TGM7: variants seen among roughly 807,000 people sequenced by gnomAD.
TGM7 encodes the protein transglutaminase 7.
Under a neutral mutation model 79.5 loss-of-function variants are expected in TGM7, and 74 were observed. That is an observed-to-expected ratio of 0.93 (90% CI 0.77 to 1.13). The LOEUF (loss-of-function observed/expected upper bound fraction) is 1.13, where lower values mean the gene tolerates loss of function less well. TGM7 is among the 50% of genes most tolerant of loss of function. TGM7 has a pLI of 0.00. For missense variants in TGM7, 912 were observed against 905.9 expected (o/e 1.01, Z -0.09); for synonymous variants, 354 against 362.5 (o/e 0.98, Z 0.27).
chr15:43,296,728 G>C (rs1305411959), intron 1 of TGM7, among the ~76,000 whole-genome samples: 2 of 152,096 alleles, frequency 1.3e-5, no homozygotes, highest in Non-Finnish European at 2.9e-5. Context: ...CTCTTAGTTT[G>C]GGAAAGAAAG....
At chr15:43,296,827 G>T (rs996221677) in intron 1 of TGM7, among the ~76,000 whole-genome samples, 1 of 152,146 alleles carries the variant, frequency 6.6e-6, no homozygotes, top group Non-Finnish European at 1.5e-5. Context: ...GGACACTCAG[G>T]TTTTCTTTTT....
Position 43,279,278 on chromosome 15 carries a change from C to T in TGM7, c.1679-1G>A, listed in dbSNP as rs1463492284. On this transcript the variant is annotated splice_acceptor_variant, in intron 10 of 12. Coordinates refer to ENST00000452443, the MANE Select transcript of TGM7 (RefSeq NM_052955.3). LOFTEE classifies it high-confidence loss of function. ...GGCAGGAGGAGCGGCCACTGTGTCT[C>T]TAAGCACATACAAAAGACACCTTGA... 1.9e-6 allele frequency: 3 copies of T among 1,613,586 alleles called. No individual in the cohort carries two copies. In the Admixed American group the frequency reaches 5.0e-5, roughly 27 times the overall value.
chr15:43,280,099 A>C (rs529319387), intron 9 of TGM7, 148 bp from the exon 10 acceptor site: 1 of 663,360 alleles, frequency 1.5e-6, no homozygotes, highest in Admixed American at 2.9e-5. Flanking sequence ...TTGCTCTGTC[A>C]CAGTCCTTTA....
chr15:43,302,035 GA>G, intron 1 of TGM7: 1 of 630,610 alleles, frequency 1.6e-6, no homozygotes, highest in Non-Finnish European at 2.8e-6. Flanking sequence ...CACAGCTTCA[GA>G]AAAGAAAACG....
In TGM7 at chr15:43,284,884, T is replaced by G; in HGVS notation, c.934A>C (p.Asn312His). 2 of 1,614,118 alleles carry G rather than the reference T, an allele frequency of 1.2e-6. No individual in the cohort carries two copies. Among genetic ancestry groups the G allele is most frequent in the Non-Finnish European group, 1.7e-6 (2 of 1,180,022 alleles). ...TCATAGTACGTATCGATGGTCAAGT[T>G]CCTATCCACGTTGTGCGCGGAACGG... ...NFRSAHNVDR[N>H]LTIDTYYDRN... The change falls in exon 7 of 13, where the codon AAC becomes CAC. Residue 312 changes from asparagine (N) to histidine (H), a missense_variant. Physicochemically the swap from Asn to His is moderately conservative, Grantham distance 68 (BLOSUM62 1). Transcript: ENST00000452443.
At chr15:43,285,555 C>T (rs1009238624) in intron 6 of TGM7, among the ~76,000 whole-genome samples, 4 of 152,048 alleles carry the variant, frequency 2.6e-5, no homozygotes, top group African/African-American at 9.7e-5. Flanking sequence ...ATTTCATCAC[C>T]CTCCTCCCAC....
chr15:43,298,875 G>A (rs563417072), intron 1 of TGM7, among the ~76,000 whole-genome samples: 7 of 152,068 alleles, frequency 4.6e-5, no homozygotes, highest in African/African-American at 1.7e-4. Context: ...CAAAACTTAA[G>A]CATAAAAATG....
Position 43,279,924 on chromosome 15 carries a change from A to T in TGM7, c.1379T>A (p.Met460Lys). The change falls in exon 10 of 13, where the codon ATG becomes AAG. Residue 460 changes from methionine to lysine, a missense_variant. Transcript: ENST00000452443. Reference sequence around the variant, plus strand: ...GCCCAGCATTTTCCGAGAAGCCTTCATGAAGACAGCTCTCTCCTCAGGGGA... The same window carrying T: ...GCCCAGCATTTTCCGAGAAGCCTTCTTGAAGACAGCTCTCTCCTCAGGGGA... Reference protein sequence around the residue: ...EGSPEERAVFMKASRKMLGPQ... With the variant: ...EGSPEERAVFKKASRKMLGPQ... 1.9e-6 allele frequency: 3 copies of T among 1,614,204 alleles called. No individual in the cohort carries two copies. Among genetic ancestry groups the T allele is most frequent in the Non-Finnish European group, 2.5e-6 (3 of 1,180,014 alleles).
rs377424262 is a variant in TGM7, at chr15:43,282,110, T to C, written c.1109-24A>G. On this transcript the variant is annotated intron_variant, in intron 8 of 12. Transcript: ENST00000452443. Reference sequence around the variant, plus strand: ...CCCTGTGGAGGCAACAGGCTACTGATATGGGGGCCAGGGGCAGCTGGTTGT... The same window carrying C: ...CCCTGTGGAGGCAACAGGCTACTGACATGGGGGCCAGGGGCAGCTGGTTGT... The C allele has an allele frequency of 1.4e-5, 23 of 1,610,244 alleles. No individual in the cohort carries two copies. The African/African-American group carries it at 2.1e-4, about 15-fold the overall frequency.
At position 43,292,092 on chromosome 15, in the gene TGM7, C is replaced by T. The variant is rs778358100; in HGVS notation, c.445G>A (p.Asp149Asn). The T allele has an allele frequency of 9.9e-5, 159 of 1,613,012 alleles. No individual in the cohort carries two copies. In the Admixed American group the frequency reaches 2.4e-3, roughly 24 times the overall value. The change falls in exon 4 of 13, where the codon GAC becomes AAC. Residue 149 changes from aspartate (D) to asparagine (N), a missense_variant. Coordinates refer to ENST00000452443, the MANE Select transcript of TGM7 (RefSeq NM_052955.3). ...LLFNPWSPED[D>N]VYLPSEILLQ... ...AGTATTTCACTTGGCAGGTAGACGT[C>T]GTCCTCTGAGCAGTTAAGAGTAGTG...
intron 9 of TGM7, 75 bp downstream of exon 9, chr15:43,281,769 A>G: frequency 2.0e-5 from 31 of 1,575,678 alleles, no homozygotes; most frequent in Non-Finnish European, 2.2e-5. Context: ...GATGGTTTCA[A>G]CTTGGAGCCA....
At chr15:43,293,979 G>C in intron 1 of TGM7, among the ~76,000 whole-genome samples, 1 of 151,354 alleles carries the variant, frequency 6.6e-6, no homozygotes. Flanking sequence ...TCCATGTCTG[G>C]ACCTGGAGCC....
Position 43,278,107 on chromosome 15 carries a change from G to GA in TGM7, c.1839+1009dup, listed in dbSNP as rs1257594479. On this transcript the variant is annotated intron_variant, in intron 11 of 12. Coordinates refer to ENST00000452443, the MANE Select transcript of TGM7 (RefSeq NM_052955.3). Reference sequence around the variant, plus strand: ...CGACAGCCTGACAGTGTGCCTGGGTGAAAACCCTGGGGTAGGCCAGCTGAT... The same window carrying GA: ...CGACAGCCTGACAGTGTGCCTGGGTGAAAAACCCTGGGGTAGGCCAGCTGAT... Among the ~76,000 whole-genome samples the GA allele has an allele frequency of 2.0e-5, 3 of 152,242 alleles. No homozygotes were observed. The East Asian group carries it at 5.8e-4, about 29-fold the overall frequency.
intron 6 of TGM7, 75 bp from the exon 7 acceptor site, chr15:43,285,027 C>A: frequency 6.3e-7 from 1 of 1,576,406 alleles, no homozygotes; most frequent in East Asian, 2.3e-5. Flanking sequence ...TAATTTGTAA[C>A]TTTCAAGCTG....
At chr15:43,288,004 G>C (rs953006759) in intron 4 of TGM7, among the ~76,000 whole-genome samples, 1 of 152,104 alleles carries the variant, frequency 6.6e-6, no homozygotes, top group African/African-American at 2.4e-5. Flanking sequence ...AGAGGAGAGT[G>C]GGCATATTTA....
intron 1 of TGM7, among the ~76,000 whole-genome samples, chr15:43,295,454 G>A (rs2042987787): frequency 6.6e-6 from 1 of 152,196 alleles, no homozygotes; most frequent in South Asian, 2.1e-4. Flanking sequence ...GCCAGGCCTG[G>A]TGGTGAGTGC....
chr15:43,279,507 ATG>A (rs1055701260), intron 10 of TGM7, 116 bp downstream of exon 10: 43 of 1,330,786 alleles, frequency 3.2e-5, no homozygotes, highest in Non-Finnish European at 4.0e-5. Flanking sequence ...ACTGCCCAGA[ATG>A]TGTGTGTGTT....
At position 43,292,848 on chromosome 15, in the gene TGM7, A is replaced by T. The variant is rs143806974; in HGVS notation, c.300T>A (p.Ser100=). 1.9e-6 allele frequency: 3 copies of T among 1,614,048 alleles called. No homozygotes were observed. Among genetic ancestry groups the T allele is most frequent in the Non-Finnish European group, 1.7e-6 (2 of 1,180,038 alleles). Residue 100 remains serine (S), a synonymous_variant, in exon 3 of 13, where the codon TCT becomes TCA. Transcript: ENST00000452443. ...CTGGTGTGAAAAGGGAAACTTGGAGAGAGTTGGAGTCAATGGTGAAATCAG... is the reference window on the plus strand; with the variant it reads ...CTGGTGTGAAAAGGGAAACTTGGAGTGAGTTGGAGTCAATGGTGAAATCAG... The part of the protein sequence containing the change: ...SASDFTIDSN[S]LQVSLFTPAN...
At chr15:43,301,695 G>A (rs1196775814) in intron 1 of TGM7, among the ~76,000 whole-genome samples, 7 of 151,894 alleles carry the variant, frequency 4.6e-5, no homozygotes, top group South Asian at 2.1e-4. Flanking sequence ...CTGGCAGGCC[G>A]CATGTGTTGG....
Sources: allele counts gnomAD v4.1 joint callset (sites outside exome capture counted in the v4.1 genomes callset), GRCh38; gene constraint gnomAD v4.1.1; transcripts MANE v1.5; gene names NCBI Gene and HGNC (gene_info 2026-07-23, HGNC 2026-07-21).